The following SNX13 variants were observed in gnomAD, a reference collection of about 807,000 sequenced individuals.
SNX13 encodes the protein sorting nexin 13.
SNX13 carries 45 observed loss-of-function variants against 133.6 expected under a neutral mutation model. The ratio of observed to expected loss-of-function variants is 0.34; its 90% CI spans 0.27 to 0.43. The LOEUF (loss-of-function observed/expected upper bound fraction) is 0.43. SNX13 is among the 20% of genes least tolerant of loss of function. The pLI is 1.00. For synonymous variants in SNX13, 414 were observed against 373.9 expected (o/e 1.11, Z -1.24); for missense variants, 1,032 against 1,145.1 (o/e 0.90, Z 1.43).
chr7:17,912,015 AGATTGTG>A (rs1451714304), intron 1 of SNX13, among the ~76,000 whole-genome samples: 1 of 152,166 alleles, frequency 6.6e-6, no homozygotes, highest in African/African-American at 2.4e-5. Flanking sequence ...TTTTTTCCCA[AGATTGTG>A]GATTAGAGGT....
intron 15 of SNX13, chr7:17,832,405 A>G: frequency 3.0e-6 from 3 of 984,600 alleles, no homozygotes; most frequent in Non-Finnish European, 3.6e-6. Flanking sequence ...AGTTTAAATT[A>G]CACATTACTT....
At chr7:17,922,756 T>TG (rs1554277278) in intron 1 of SNX13, among the ~76,000 whole-genome samples, 9 of 91,930 alleles carry the variant, frequency 9.8e-5, no homozygotes, top group African/African-American at 5.4e-4. Context: ...CAAAAACTAC[T>TG]GGGAAAAAAA....
rs1474922790 is a variant in SNX13, at chr7:17,913,754, CAAAAACAAAAA to C, written c.13-16319_13-16309del. Among the ~76,000 whole-genome samples the C allele has an allele frequency of 8.1e-4, 71 of 87,258 alleles. 1 individual carries two copies. The highest frequency in any genetic ancestry group is 1.9e-3 in the South Asian group (6 of 3,124). 57.2% of individuals were successfully genotyped at this position (87,258 alleles called of 152,430 possible). A position where few individuals can be genotyped will look rare whatever the true frequency, so the allele number is the denominator to read the frequency against. On this transcript the variant is annotated intron_variant, in intron 1 of 25. Coordinates refer to ENST00000428135, the MANE Select transcript of SNX13 (RefSeq NM_015132.5). The stretch of plus-strand genomic sequence containing the variant: ...CCCGAGCCAAACAATAGCAAATTAA[CAAAAACAAAAA>C]AAAAAAAAAAAAAAAAAGAAGCAGC...
chr7:17,828,866 A>C (rs1378480175), intron 16 of SNX13, among the ~76,000 whole-genome samples: 1 of 151,576 alleles, frequency 6.6e-6, no homozygotes, highest in Non-Finnish European at 1.5e-5. Context: ...GAATACTAAA[A>C]AATTTCAAAC....
In SNX13 at chr7:17,862,295, C is replaced by T. The variant is rs114196575; in HGVS notation, c.837+6112G>A. On this transcript the variant is annotated intron_variant, in intron 9 of 25. Transcript: ENST00000428135. Reference sequence around the variant, plus strand: ...ATTATTTAAGTTTAGTATACAATATCCATTTTCTGTACTACTAAACAAATT... The same window carrying T: ...ATTATTTAAGTTTAGTATACAATATTCATTTTCTGTACTACTAAACAAATT... Among the ~76,000 whole-genome samples, 599 of 152,214 alleles carry T rather than the reference C, an allele frequency of 3.9e-3. 8 individuals carry two copies. The highest frequency in any genetic ancestry group is 0.014 in the African/African-American group (566 of 41,522).
At chr7:17,893,039 T>C (rs928839948) in intron 3 of SNX13, among the ~76,000 whole-genome samples, 8 of 152,196 alleles carry the variant, frequency 5.3e-5, no homozygotes, top group African/African-American at 1.7e-4. Flanking sequence ...ATCATATGCA[T>C]GATGCTTTGA....
intron 1 of SNX13, among the ~76,000 whole-genome samples, chr7:17,902,804 G>A (rs1213607706): frequency 6.6e-6 from 1 of 152,196 alleles, no homozygotes; most frequent in Non-Finnish European, 1.5e-5. Context: ...AGGTGAGCAT[G>A]CCGCGAGCAT....
At chr7:17,822,733 T>C (rs1787437998) in intron 17 of SNX13, among the ~76,000 whole-genome samples, 1 of 152,190 alleles carries the variant, frequency 6.6e-6, no homozygotes, top group Admixed American at 6.5e-5. Flanking sequence ...CTGAGTGCCC[T>C]GGGCTAGGGA....
At chr7:17,886,962 C>T (rs1796069885) in intron 5 of SNX13, among the ~76,000 whole-genome samples, 1 of 148,656 alleles carries the variant, frequency 6.7e-6, no homozygotes, top group Non-Finnish European at 1.5e-5. Context: ...CTCCACCTCC[C>T]TTGCTCTACA....
In SNX13 at chr7:17,875,568, A is replaced by T; in HGVS notation, c.576T>A (p.Asp192Glu). The change falls in exon 7 of 26, where the codon GAT (aspartate) becomes GAA (glutamate). Residue 192 changes from aspartate to glutamate, a missense_variant. By Grantham distance (45) the Asp-to-Glu change is conservative. Coordinates refer to ENST00000428135, the MANE Select transcript of SNX13 (RefSeq NM_015132.5). Reference sequence around the variant, plus strand: ...CAACTTCAAAGAAGGTATCTACAAGATCTTCTGCTGTACCTAAAGAAAAAC... The same window carrying T: ...CAACTTCAAAGAAGGTATCTACAAGTTCTTCTGCTGTACCTAAAGAAAAAC... ...KDDQVKGTAE[D>E]LVDTFFEVEV... is the part of the protein sequence containing the mutation. 1.2e-6 allele frequency: 2 copies of T among 1,612,072 alleles called. No homozygotes were observed. Among genetic ancestry groups the T allele is most frequent in the Non-Finnish European group, 1.7e-6 (2 of 1,179,570 alleles).
At chr7:17,922,383 T>C (rs368745427) in intron 1 of SNX13, among the ~76,000 whole-genome samples, 8 of 152,184 alleles carry the variant, frequency 5.3e-5, no homozygotes, top group African/African-American at 1.9e-4. Context: ...CTCATGTATA[T>C]ACCACATACT....
intron 1 of SNX13, among the ~76,000 whole-genome samples, chr7:17,911,514 C>T (rs911261176): frequency 6.6e-6 from 1 of 151,980 alleles, no homozygotes; most frequent in Non-Finnish European, 1.5e-5. Flanking sequence ...TGGTGTATGT[C>T]TGTAGTCCCA....
chr7:17,831,912 G>A, intron 15 of SNX13: 1 of 984,264 alleles, frequency 1.0e-6, no homozygotes, highest in African/African-American at 1.7e-5. Context: ...CAACAAAGCT[G>A]ACAGTTACTT....
At chr7:17,910,387 G>T (rs370207027) in intron 1 of SNX13, among the ~76,000 whole-genome samples, 7 of 152,186 alleles carry the variant, frequency 4.6e-5, no homozygotes, top group African/African-American at 1.7e-4. Context: ...CAAACAAAAC[G>T]ACTAATTTTT....
At chr7:17,854,179 A>G (rs1791597718) in intron 9 of SNX13, among the ~76,000 whole-genome samples, 1 of 152,216 alleles carries the variant, frequency 6.6e-6, no homozygotes, top group Admixed American at 6.5e-5. Context: ...ACTGTGGAGT[A>G]AATTATGCAT....
chr7:17,803,113 A>G (rs1784818181), intron 21 of SNX13, among the ~76,000 whole-genome samples: 2 of 152,208 alleles, frequency 1.3e-5, no homozygotes, highest in Admixed American at 6.5e-5. Context: ...ATAGTACTTC[A>G]TGATAAAAAT....
chr7:17,856,785 T>TAAAAAAA (rs200753998), intron 9 of SNX13, among the ~76,000 whole-genome samples: 6 of 97,560 alleles, frequency 6.2e-5, no homozygotes, highest in East Asian at 5.2e-4. Flanking sequence ...GAGACTCTCT[T>TAAAAAAA]AAAAAAAAAA....
At chr7:17,879,707 T>C (rs770203135) in intron 5 of SNX13, 3 of 152,210 alleles carry the variant, frequency 2.0e-5, no homozygotes, top group Admixed American at 6.5e-5. Flanking sequence ...AGTGTACAGC[T>C]CATCATCAGT....
In SNX13 at chr7:17,846,901, A is replaced by G. The variant is rs186372563; in HGVS notation, c.1066-1207T>C. 1.0e-3 allele frequency among the ~76,000 whole-genome samples: 153 copies of G among 152,314 alleles called. 1 individual carries two copies. The highest frequency in any genetic ancestry group is 3.4e-3 in the African/African-American group (143 of 41,560). On this transcript the variant is annotated intron_variant, in intron 11 of 25. Transcript: ENST00000428135. The stretch of plus-strand genomic sequence containing the variant: ...GGATAAAGGTTTCTAAGATTTCAAG[A>G]TAAGTAACATGGCTATATAACTGCA...
Sources: allele counts gnomAD v4.1 joint callset (sites outside exome capture counted in the v4.1 genomes callset), GRCh38; gene constraint gnomAD v4.1.1; transcripts MANE v1.5; gene names NCBI Gene and HGNC (gene_info 2026-07-23, HGNC 2026-07-21).